Variants in NPSR1 observed in about 807,000 individuals in gnomAD.
NPSR1 encodes neuropeptide S receptor 1.
In NPSR1, 48 loss-of-function variants were observed where a neutral mutation model predicts 46.9. The observed-to-expected ratio is 1.02, with a 90% CI of 0.81 to 1.30. The LOEUF is 1.30. Ranked by LOEUF, NPSR1 falls within the 50% of genes most tolerant of loss-of-function variation. The probability of loss-of-function intolerance (pLI) is 0.00; values close to 1 mark genes in which losing one functional copy is unlikely to be tolerated. For missense variants in NPSR1, 450 were observed against 449.5 expected, an observed-to-expected ratio of 1.00 and a Z score of -0.01; for synonymous variants, 176 against 168.1, an observed-to-expected ratio of 1.05 and a Z score of -0.36.
chr7:34,778,289 A>G (rs1330537040), intron 2 of NPSR1, among the ~76,000 whole-genome samples, 173 bp from the exon 3 acceptor site: 1 of 152,180 alleles, frequency 6.6e-6, no homozygotes, highest in African/African-American at 2.4e-5. Flanking sequence ...AATATAAGTC[A>G]AAGAACTCCT....
chr7:34,759,316 C>T (rs922672766), intron 2 of NPSR1, among the ~76,000 whole-genome samples: 1 of 152,114 alleles, frequency 6.6e-6, no homozygotes, highest in African/African-American at 2.4e-5. Flanking sequence ...TTCTTCTATA[C>T]TTATTAGCAG....
At chr7:34,875,547 T>C (rs903654496) in intron 8 of NPSR1, among the ~76,000 whole-genome samples, 8 of 152,146 alleles carry the variant, frequency 5.3e-5, no homozygotes, top group African/African-American at 1.4e-4. Flanking sequence ...CCACCCCAGA[T>C]TGGCCTAGAG....
chr7:34,775,867 T>C (rs1178693774), intron 2 of NPSR1, among the ~76,000 whole-genome samples: 1 of 152,126 alleles, frequency 6.6e-6, no homozygotes, highest in Non-Finnish European at 1.5e-5. Flanking sequence ...AAGGTACTAA[T>C]AGCCATAAAC....
chr7:34,791,162 A>ATATGTTATATATTATATTATATATGTT (rs1554331017), intron 3 of NPSR1, among the ~76,000 whole-genome samples: 1 of 122,096 alleles, frequency 8.2e-6, no homozygotes, highest in Non-Finnish European at 1.6e-5. Context: ...TATATATTAT[A>ATATGTTATATATTATATTATATATGTT]TATGTTATAT....
rs141001377 is a variant in NPSR1 at position 34,848,530 on chromosome 7, A to C, written c.892A>C (p.Asn298His). 2.4e-5 allele frequency: 39 copies of C among 1,614,172 alleles called. No homozygotes were observed. The African/African-American group carries it at 4.5e-4, about 19-fold the overall frequency. Reference sequence around the variant, plus strand: ...ATACTTCCTGTTTGACATTTTGGACAATTTCAACCTCCTTCCAGACACCCA... The same window carrying C: ...ATACTTCCTGTTTGACATTTTGGACCATTTCAACCTCCTTCCAGACACCCA... ...SPYFLFDILD[N>H]FNLLPDTQER... The change falls in exon 8 of 9, where the codon AAT (asparagine) becomes CAT (histidine). Residue 298 changes from asparagine (N) to histidine (H), a missense_variant. Transcript: ENST00000360581.
chr7:34,665,188 A>T (rs1791674502), intron 1 of NPSR1, among the ~76,000 whole-genome samples: 1 of 152,208 alleles, frequency 6.6e-6, no homozygotes, highest in Admixed American at 6.5e-5. Flanking sequence ...CCAACAGTAA[A>T]AAACAAACCC....
intron 2 of NPSR1, among the ~76,000 whole-genome samples, chr7:34,735,464 G>T (rs1023827705): frequency 6.6e-6 from 1 of 152,134 alleles, no homozygotes; most frequent in African/African-American, 2.4e-5. Context: ...CTTAATAAAT[G>T]AATACATCAA....
intron 2 of NPSR1, among the ~76,000 whole-genome samples, chr7:34,724,974 G>T (rs535419653): frequency 1.3e-5 from 2 of 151,972 alleles, no homozygotes; most frequent in Admixed American, 1.3e-4. Context: ...GATGTTCAAC[G>T]GTAATAGACA....
intron 3 of NPSR1, among the ~76,000 whole-genome samples, chr7:34,788,917 T>G (rs1420913728): frequency 6.6e-6 from 1 of 151,466 alleles, no homozygotes; most frequent in Non-Finnish European, 1.5e-5. Context: ...ACAAAACAAG[T>G]CACAACAAAA....
chr7:34,812,257 C>T (rs551372707), intron 4 of NPSR1, among the ~76,000 whole-genome samples: 25 of 152,256 alleles, frequency 1.6e-4, no homozygotes, highest in African/African-American at 5.8e-4. Context: ...CAGAAACAAA[C>T]ACCTTGTTCT....
downstream of NPSR1, among the ~76,000 whole-genome samples, chr7:34,853,362 C>T (rs552568614): frequency 4.6e-5 from 7 of 152,350 alleles, no homozygotes; most frequent in South Asian, 1.5e-3. Flanking sequence ...TGTACCTCAT[C>T]TTATATGCAG....
At chr7:34,794,205 A>C (rs1439498961) in intron 3 of NPSR1, among the ~76,000 whole-genome samples, 1 of 152,152 alleles carries the variant, frequency 6.6e-6, no homozygotes, top group Non-Finnish European at 1.5e-5. Context: ...TTTCAAAATA[A>C]CTTGAAGAAA....
chr7:34,791,294 A>G (rs1266822293), intron 3 of NPSR1, among the ~76,000 whole-genome samples: 1 of 142,446 alleles, frequency 7.0e-6, no homozygotes, highest in African/African-American at 2.6e-5. Flanking sequence ...TAGATAATAT[A>G]TAAAATATAT....
rs368718436 is a variant in NPSR1, at chr7:34,778,533, G to A, written c.352G>A (p.Asp118Asn). 148 of 1,612,678 alleles carry A rather than the reference G, an allele frequency of 9.2e-5. 1 individual carries two copies. In the South Asian group the frequency reaches 1.0e-3, roughly 11 times the overall value. Residue 118 changes from aspartate (D) to asparagine (N), a missense_variant, in exon 3 of 9, where the codon GAC becomes AAC. Coordinates refer to ENST00000360581, the MANE Select transcript of NPSR1 (RefSeq NM_207172.2). The part of the protein sequence containing the change: ...WRFTGDFTAP[D>N]LVCRVVRYLQ... ...ATTCACTGGAGACTTCACGGCACCT[G>A]ACCTGGTTTGCCGAGTGGTCCGCTA...
intron 2 of NPSR1, among the ~76,000 whole-genome samples, chr7:34,771,002 C>A (rs1416524413): frequency 4.6e-5 from 7 of 152,166 alleles, no homozygotes; most frequent in African/African-American, 1.4e-4. Context: ...TCCCATTAGG[C>A]CCCACTGTCA....
chr7:34,695,275 T>A (rs1361884083), intron 2 of NPSR1, among the ~76,000 whole-genome samples: 8 of 152,040 alleles, frequency 5.3e-5, no homozygotes, highest in Non-Finnish European at 1.2e-4. Flanking sequence ...TGCAGAAGAA[T>A]GAAACCCTAC....
intron 1 of NPSR1, among the ~76,000 whole-genome samples, chr7:34,679,704 T>C (rs1189992803): frequency 2.0e-5 from 3 of 152,104 alleles, no homozygotes; most frequent in Non-Finnish European, 2.9e-5. Context: ...AGTTATGTAA[T>C]TGAAGATGAA....
At chr7:34,711,384 A>G (rs1364958150) in intron 2 of NPSR1, 1 of 152,396 alleles carries the variant, frequency 6.6e-6, no homozygotes, top group East Asian at 1.9e-4. Context: ...TATCCTCTCT[A>G]TGAGATGGAA....
At chr7:34,733,140 GGCC>G (rs2128714712) in intron 2 of NPSR1, among the ~76,000 whole-genome samples, 1 of 152,286 alleles carries the variant, frequency 6.6e-6, no homozygotes, top group African/African-American at 2.4e-5. Flanking sequence ...AATCCATGCA[GGCC>G]AGGTGCAGTG....
Sources: allele counts gnomAD v4.1 joint callset (sites outside exome capture counted in the v4.1 genomes callset), GRCh38; gene constraint gnomAD v4.1.1; transcripts MANE v1.5; gene names NCBI Gene and HGNC (gene_info 2026-07-23, HGNC 2026-07-21).